Variants in CSMD1 observed in about 807,000 individuals in gnomAD.
CSMD1 encodes the protein CUB and sushi domain-containing protein 1.
Under a neutral mutation model 417.5 loss-of-function variants are expected in CSMD1, and 213 were observed. The ratio of observed to expected loss-of-function variants is 0.51; its 90% CI spans 0.46 to 0.57. The LOEUF is 0.57. Ranked by LOEUF, CSMD1 falls within the 20% of genes least tolerant of loss-of-function variation. CSMD1 has a pLI of 0.00. For missense variants in CSMD1, 6,923 were observed against 4,529.7 expected (o/e 1.53, Z -15.17); for synonymous variants, 2,862 against 1,736.8 (o/e 1.65, Z -16.11).
intron 5 of CSMD1, among the ~76,000 whole-genome samples, chr8:3,923,542 G>A (rs1040035377): frequency 6.6e-6 from 1 of 152,112 alleles, no homozygotes; most frequent in South Asian, 2.1e-4. Context: ...TTCCCACACA[G>A]AACAGGATAC....
Position 4,001,744 on chromosome 8 carries a change from C to G in CSMD1, c.611-3634G>C, listed in dbSNP as rs80146163. Among the ~76,000 whole-genome samples, 1,052 of 152,218 alleles carry G rather than the reference C, an allele frequency of 6.9e-3. 11 individuals are homozygous for G. The highest frequency in any genetic ancestry group is 0.024 in the African/African-American group (1,014 of 41,514). ...ACTGGGCCAGCATGAGTACTAGGCTCACTGAATCCAGGTAAGACCAGAGCA... is the reference window on the plus strand; with the variant it reads ...ACTGGGCCAGCATGAGTACTAGGCTGACTGAATCCAGGTAAGACCAGAGCA... On this transcript the variant is annotated intron_variant, in intron 4 of 69. Coordinates refer to ENST00000635120, the MANE Select transcript of CSMD1 (RefSeq NM_033225.6).
chr8:4,488,292 C>T (rs567301614), intron 2 of CSMD1, among the ~76,000 whole-genome samples: 7 of 152,280 alleles, frequency 4.6e-5, no homozygotes, highest in African/African-American at 9.6e-5. Context: ...ACCTCTACTT[C>T]ATATAACCAC....
chr8:4,091,004 C>T (rs1800690336), intron 3 of CSMD1, among the ~76,000 whole-genome samples: 1 of 151,704 alleles, frequency 6.6e-6, no homozygotes. Flanking sequence ...CTGCAACCTC[C>T]ACCTCCTGGG....
chr8:4,987,405 G>A (rs191376357), intron 1 of CSMD1, among the ~76,000 whole-genome samples: 233 of 152,252 alleles, frequency 1.5e-3, no homozygotes, highest in Admixed American at 2.7e-3. Context: ...TTAGGAAAAC[G>A]CTCAGTGCCT....
At chr8:4,335,547 A>G (rs550083080) in intron 3 of CSMD1, among the ~76,000 whole-genome samples, 1 of 152,212 alleles carries the variant, frequency 6.6e-6, no homozygotes, top group East Asian at 1.9e-4. Context: ...CAACATCTAA[A>G]TTAGCTTAAA....
intron 1 of CSMD1, among the ~76,000 whole-genome samples, chr8:4,746,300 G>C (rs530818926): frequency 6.6e-6 from 1 of 152,120 alleles, no homozygotes; most frequent in Non-Finnish European, 1.5e-5. Flanking sequence ...TGCCCTTTTT[G>C]AAAGAATTCA....
chr8:4,059,505 C>G (rs1798862061), intron 3 of CSMD1, among the ~76,000 whole-genome samples: 1 of 152,096 alleles, frequency 6.6e-6, no homozygotes. Flanking sequence ...AATCCAGGAG[C>G]TGGTTTTTTG....
At chr8:4,799,859 G>C (rs73179686) in intron 1 of CSMD1, among the ~76,000 whole-genome samples, 19,746 of 151,906 alleles carry the variant, frequency 0.13, 1,666 homozygotes, top group Non-Finnish European at 0.18. Context: ...ACTTTAACCT[G>C]TGTAAGAAAG....
intron 7 of CSMD1, among the ~76,000 whole-genome samples, chr8:3,675,472 G>A (rs543162101): frequency 1.3e-5 from 2 of 152,184 alleles, no homozygotes; most frequent in Non-Finnish European, 2.9e-5. Flanking sequence ...GATTGCAATG[G>A]ACTGAATATT....
At chr8:4,727,284 C>A (rs1809522967) in intron 1 of CSMD1, among the ~76,000 whole-genome samples, 1 of 152,142 alleles carries the variant, frequency 6.6e-6, no homozygotes, top group Non-Finnish European at 1.5e-5. Flanking sequence ...CCGGTGAAGT[C>A]TGTAACAATA....
chr8:4,101,535 C>T (rs141032268), intron 3 of CSMD1, among the ~76,000 whole-genome samples: 1 of 152,122 alleles, frequency 6.6e-6, no homozygotes, highest in African/African-American at 2.4e-5. Context: ...GGAAACATAC[C>T]TAAAAAATTA....
intron 5 of CSMD1, among the ~76,000 whole-genome samples, chr8:3,915,247 A>G (rs1004641562): frequency 6.6e-6 from 1 of 151,908 alleles, no homozygotes; most frequent in South Asian, 2.1e-4. Flanking sequence ...CTCTACCAAA[A>G]ATAGAAAAAT....
rs190598346 is a variant in CSMD1 at position 3,265,029 on chromosome 8, A to G, written c.4153+19115T>C. ...CCACCTCTGTGAGAATTTAAATTAT[A>G]TGGGAAAAGCATCTTTAGGGCACTT... On this transcript the variant is annotated intron_variant, in intron 26 of 69. Transcript: ENST00000635120. Among the ~76,000 whole-genome samples the G allele has an allele frequency of 4.6e-5, 7 of 152,336 alleles. No homozygotes were observed. In the East Asian group the frequency reaches 9.6e-4, roughly 21 times the overall value.
chr8:4,014,472 T>G (rs987062720), intron 4 of CSMD1, among the ~76,000 whole-genome samples: 1 of 152,224 alleles, frequency 6.6e-6, no homozygotes, highest in African/African-American at 2.4e-5. Context: ...AGAAGCTTTT[T>G]AGACATTGAG....
chr8:4,272,200 G>A (rs1804644876), intron 3 of CSMD1, among the ~76,000 whole-genome samples: 1 of 152,036 alleles, frequency 6.6e-6, no homozygotes, highest in South Asian at 2.1e-4. Flanking sequence ...ACCTTAATAG[G>A]TATAGTACTT....
At chr8:4,261,476 G>A (rs1803877257) in intron 3 of CSMD1, among the ~76,000 whole-genome samples, 1 of 152,134 alleles carries the variant, frequency 6.6e-6, no homozygotes, top group Admixed American at 6.6e-5. Flanking sequence ...TCAGCCCTGG[G>A]ATCTAATGTA....
At chr8:3,092,869 G>C (rs1374085119) in intron 47 of CSMD1, among the ~76,000 whole-genome samples, 1 of 151,670 alleles carries the variant, frequency 6.6e-6, no homozygotes, top group Non-Finnish European at 1.5e-5. Context: ...TCACTCCTAG[G>C]GAACACATTA....
chr8:4,951,502 G>A (rs1183339016), intron 1 of CSMD1, among the ~76,000 whole-genome samples: 1 of 149,594 alleles, frequency 6.7e-6, no homozygotes, highest in Non-Finnish European at 1.5e-5. Flanking sequence ...CAGGGAAAGG[G>A]AAAGAGGAAG....
At chr8:4,037,619 C>CTTCTG (rs1388193267) in intron 3 of CSMD1, among the ~76,000 whole-genome samples, 1 of 151,880 alleles carries the variant, frequency 6.6e-6, no homozygotes, top group East Asian at 1.9e-4. Flanking sequence ...CTTTAGGTCT[C>CTTCTG]TTATATTTAT....
Sources: allele counts gnomAD v4.1 joint callset (sites outside exome capture counted in the v4.1 genomes callset), GRCh38; gene constraint gnomAD v4.1.1; transcripts MANE v1.5; gene names NCBI Gene and HGNC (gene_info 2026-07-23, HGNC 2026-07-21).